PHF8: variants seen among roughly 807,000 people sequenced by gnomAD.
PHF8 encodes the protein histone lysine demethylase PHF8.
A neutral mutation model predicts 74.4 loss-of-function variants in PHF8; 9 were observed. The observed-to-expected ratio is 0.12, with a 90% CI of 0.07 to 0.21. The LOEUF (loss-of-function observed/expected upper bound fraction) is 0.21. Among genes scored for constraint, PHF8 ranks in the 10% least tolerant of loss-of-function variants. PHF8 has a pLI of 1.00. For synonymous variants in PHF8, 311 were observed against 316.6 expected (o/e 0.98, Z 0.19); for missense variants, 478 against 816.6 (o/e 0.59, Z 5.05).
At chrX:54,044,537 G>A (rs2066615435), upstream of PHF8, 1 of 399,096 alleles carries the variant, frequency 2.5e-6, no homozygotes. Context: ...TCGGGGGGGC[G>A]GGGCGCCACC....
At chrX:54,030,841 G>C (rs1310750698) in intron 2 of PHF8, among the ~76,000 whole-genome samples, 1 of 112,067 alleles carries the variant, frequency 8.9e-6, no homozygotes, top group African/African-American at 3.2e-5. Flanking sequence ...GTGAACTTAA[G>C]CAATTTATAC....
In PHF8 at chrX:54,016,596, T is replaced by C; in HGVS notation, c.595A>G (p.Arg199Gly). ...TTTTGTTATTCCTGCACCTCTTACC[T>C]GGTATCAGAGAATTCCAAACTAATG... is the stretch of plus-strand genomic sequence containing the variant. The part of the protein sequence containing the change: ...NVISLEFSDT[R>G]LSNLVETPKI... Residue 199 changes from arginine to glycine, a missense_variant and splice_region_variant, in exon 6 of 22, where the codon AGA becomes GGA. Arg to Gly is a moderately radical substitution (Grantham distance 125, BLOSUM62 -2). This residue lies in a region of PHF8 where 70 missense variants were observed against 234.1 expected (regional missense o/e 0.30). Coordinates refer to ENST00000338154, the MANE Select transcript of PHF8 (RefSeq NM_015107.3). 2 of 1,205,666 alleles carry C rather than the reference T, an allele frequency of 1.7e-6. No individual in the cohort carries two copies.
rs1424280192 is a variant in PHF8, at chrX:53,999,919, T to C, written c.1184A>G (p.His395Arg). The C allele has an allele frequency of 8.3e-6, 10 of 1,205,774 alleles. No homozygotes were observed. The highest frequency in any genetic ancestry group is 1.1e-5 in the Non-Finnish European group (10 of 890,144). Residue 395 changes from histidine to arginine, a missense_variant, in exon 11 of 22, where the codon CAT becomes CGT. His to Arg is a conservative substitution (Grantham distance 29). Coordinates refer to ENST00000338154, the MANE Select transcript of PHF8 (RefSeq NM_015107.3). ...GGCCAAGTTCAAGGCTTTGCCACCA[T>C]GGACCAGGTAGGAGGCAGGGTGTCT... ...NRRHPASYLVHGGKALNLAFR... is the reference protein window; with the variant it reads ...NRRHPASYLVRGGKALNLAFR...
intron 2 of PHF8, among the ~76,000 whole-genome samples, chrX:54,030,595 A>T (rs782263625): frequency 8.9e-6 from 1 of 112,444 alleles, no homozygotes; most frequent in East Asian, 2.8e-4. Flanking sequence ...AGTGCTATAA[A>T]GTCAGTAAAG....
intron 11 of PHF8, among the ~76,000 whole-genome samples, chrX:53,998,118 T>C (rs990802784): frequency 6.3e-5 from 7 of 111,995 alleles, no homozygotes; most frequent in African/African-American, 1.9e-4. Flanking sequence ...AAATCAAATA[T>C]TGGTGCTGAG....
Position 54,002,174 on chromosome X carries a change from G to A in PHF8, c.1122C>T (p.His374=). ...CCATACCGCGAAAGATGTCCAGGATGTGCTTTCCCACATACCAACAGATGG... is the reference window on the plus strand; with the variant it reads ...CCATACCGCGAAAGATGTCCAGGATATGCTTTCCCACATACCAACAGATGG... ...FETICWYVGK[H]ILDIFRGLRE... The change falls in exon 10 of 22, where the codon CAC becomes CAT. Residue 374 remains histidine (H), a synonymous_variant. Coordinates refer to ENST00000338154, the MANE Select transcript of PHF8 (RefSeq NM_015107.3). 8.4e-7 allele frequency: 1 copy of A among 1,190,088 alleles called. No homozygotes were observed. Among genetic ancestry groups the A allele is most frequent in the Non-Finnish European group, 1.1e-6 (1 of 876,055 alleles).
rs781997412 is a variant in PHF8, at chrX:54,023,236, C to T, written c.99-393G>A. On this transcript the variant is annotated intron_variant, in intron 2 of 21. Coordinates refer to ENST00000338154, the MANE Select transcript of PHF8 (RefSeq NM_015107.3). ...AAGTGATCCACCTGCCTCTGCCTCC[C>T]GAAGTGCTAGGATTATAGGTGTGAG... Among the ~76,000 whole-genome samples the T allele has an allele frequency of 9.9e-5, 11 of 111,202 alleles. No homozygotes were observed. The South Asian group carries it at 3.4e-3, about 34-fold the overall frequency.
At chrX:54,024,370 C>G (rs1361859367) in intron 2 of PHF8, among the ~76,000 whole-genome samples, 2 of 112,126 alleles carry the variant, frequency 1.8e-5, no homozygotes, top group Non-Finnish European at 3.8e-5. Context: ...CTTTCACCTG[C>G]CTAAAACTTC....
intron 2 of PHF8, among the ~76,000 whole-genome samples, chrX:54,038,576 T>C (rs2058734869): frequency 8.9e-6 from 1 of 112,040 alleles, no homozygotes; most frequent in South Asian, 3.6e-4. Context: ...GAACCACCGC[T>C]GTACAAATCA....
At chrX:53,954,634 G>C (rs2064986610) in intron 19 of PHF8, among the ~76,000 whole-genome samples, 1 of 60,594 alleles carries the variant, frequency 1.7e-5, no homozygotes, top group South Asian at 1.1e-3. Flanking sequence ...CATTAAATCT[G>C]GGTGACAGAT....
At chrX:53,988,754 CAAA>C (rs1287482644) in intron 14 of PHF8, among the ~76,000 whole-genome samples, 1 of 56,176 alleles carries the variant, frequency 1.8e-5, no homozygotes. Flanking sequence ...GACTCCGTCT[CAAA>C]AAAAAAAAAA....
chrX:53,946,300 T>C (rs2064831508), intron 19 of PHF8, among the ~76,000 whole-genome samples: 1 of 112,580 alleles, frequency 8.9e-6, no homozygotes, highest in South Asian at 3.7e-4. Context: ...CTGTCACTAA[T>C]AGTGAGAAAG....
intron 2 of PHF8, among the ~76,000 whole-genome samples, chrX:54,034,327 C>A (rs2066413045): frequency 9.0e-6 from 1 of 111,473 alleles, no homozygotes. Context: ...AAGGAGAACA[C>A]CAATTTGAAT....
At chrX:54,024,685 G>T (rs782587515) in intron 2 of PHF8, among the ~76,000 whole-genome samples, 36 of 111,858 alleles carry the variant, frequency 3.2e-4, no homozygotes, top group Middle Eastern at 4.6e-3. Flanking sequence ...GTGGTCCACA[G>T]ACTAATGCCG....
intron 20 of PHF8, among the ~76,000 whole-genome samples, chrX:53,941,846 G>C (rs1348788645): frequency 1.8e-5 from 2 of 111,741 alleles, no homozygotes; most frequent in African/African-American, 6.5e-5. Context: ...GAGAGGCTAA[G>C]TCATTTCCCT....
intron 18 of PHF8, among the ~76,000 whole-genome samples, chrX:53,974,561 T>C (rs2065344760): frequency 8.9e-6 from 1 of 111,747 alleles, no homozygotes; most frequent in Non-Finnish European, 1.9e-5. Flanking sequence ...TTACTGGATA[T>C]ATACCCAAAG....
rs1157683205 is a variant in PHF8 at position 54,011,196 on chromosome X, A to G, written c.872T>C (p.Met291Thr). The G allele has an allele frequency of 2.2e-5, 27 of 1,205,676 alleles. No homozygotes were observed. Among genetic ancestry groups the G allele is most frequent in the Non-Finnish European group, 2.9e-5 (26 of 891,185 alleles). The part of the protein sequence containing the change: ...CWSSSSNQNE[M>T]FFGDQVDKCY... ...CTTGTCCACCTGGTCCCCAAAGAAC[A>G]TCTCATTCTGATTAGAGGAACTGCT... Residue 291 changes from methionine to threonine, a missense_variant, in exon 8 of 22, where the codon ATG becomes ACG. Physicochemically the swap from Met to Thr is moderately conservative, Grantham distance 81. Transcript: ENST00000338154.
At chrX:53,965,768 A>C (rs1395893357) in intron 18 of PHF8, among the ~76,000 whole-genome samples, 1 of 112,256 alleles carries the variant, frequency 8.9e-6, no homozygotes, top group African/African-American at 3.2e-5. Context: ...ACTGCAGTTC[A>C]TAACAAGCAA....
chrX:54,016,525 T>C (rs2066073279), intron 6 of PHF8, 70 bp downstream of exon 6: 4 of 845,886 alleles, frequency 4.7e-6, no homozygotes, highest in African/African-American at 2.0e-5. Flanking sequence ...GAAACACGAA[T>C]ATACACTAGA....
Sources: allele counts gnomAD v4.1 joint callset (sites outside exome capture counted in the v4.1 genomes callset), GRCh38; gene constraint gnomAD v4.1.1; regional missense constraint gnomAD v4.1.1; transcripts MANE v1.5; gene names NCBI Gene and HGNC (gene_info 2026-07-23, HGNC 2026-07-21).